Variants in NEO1 observed in about 807,000 individuals in gnomAD.
NEO1 encodes neogenin.
In NEO1, 63 loss-of-function variants were observed where a neutral mutation model predicts 159.7. That is an observed-to-expected ratio of 0.39 (90% CI 0.32 to 0.49). The LOEUF is 0.49. Among genes scored for constraint, NEO1 ranks in the 20% least tolerant of loss-of-function variants. The pLI is 0.85. For synonymous variants in NEO1, 633 were observed against 662.0 expected, an observed-to-expected ratio of 0.96 and a Z score of 0.67; for missense variants, 1,615 against 1,831.0, an observed-to-expected ratio of 0.88 and a Z score of 2.15.
intron 15 of NEO1, among the ~76,000 whole-genome samples, chr15:73,261,030 G>A (rs1311877786): frequency 6.6e-6 from 1 of 152,040 alleles, no homozygotes; most frequent in Admixed American, 6.6e-5. Flanking sequence ...AACATCCTGT[G>A]ATAAGGAAGA....
chr15:73,231,011 A>G (rs940889394), intron 7 of NEO1, among the ~76,000 whole-genome samples: 4 of 151,954 alleles, frequency 2.6e-5, no homozygotes, highest in Non-Finnish European at 5.9e-5. Flanking sequence ...TAATTCTGTC[A>G]TTTTTTGCTT....
At chr15:73,258,158 G>A (rs902159932) in intron 13 of NEO1, among the ~76,000 whole-genome samples, 3 of 152,128 alleles carry the variant, frequency 2.0e-5, no homozygotes, top group African/African-American at 7.2e-5. Flanking sequence ...TTTATTAGCT[G>A]GTAGTAAATT....
At chr15:73,077,189 GCCCGC>G (rs2068811923) in intron 1 of NEO1, among the ~76,000 whole-genome samples, 1 of 152,018 alleles carries the variant, frequency 6.6e-6, no homozygotes, top group Non-Finnish European at 1.5e-5. Flanking sequence ...GATTACAGGT[GCCCGC>G]CACCACGCCT....
At chr15:73,235,413 T>G (rs1316146942) in intron 7 of NEO1, among the ~76,000 whole-genome samples, 1 of 152,212 alleles carries the variant, frequency 6.6e-6, no homozygotes, top group Non-Finnish European at 1.5e-5. Flanking sequence ...CTGTTGTTTT[T>G]GTTTTTCATC....
intron 8 of NEO1, among the ~76,000 whole-genome samples, chr15:73,237,201 A>C (rs1486815081): frequency 6.6e-6 from 1 of 152,110 alleles, no homozygotes; most frequent in African/African-American, 2.4e-5. Context: ...TTCTTGGCCC[A>C]GGTTAAGCCC....
At chr15:73,258,731 T>C in intron 13 of NEO1, 35 bp from the exon 14 acceptor site, 1 of 1,552,334 alleles carries the variant, frequency 6.4e-7, no homozygotes, top group East Asian at 2.2e-5. Context: ...TCCAAAGCTC[T>C]TGTTTCAGTT....
intron 5 of NEO1, among the ~76,000 whole-genome samples, chr15:73,140,724 A>C (rs1322753566): frequency 1.3e-5 from 2 of 152,242 alleles, no homozygotes; most frequent in Non-Finnish European, 2.9e-5. Context: ...AATGTAGAGT[A>C]GTCTTCCAGT....
intron 7 of NEO1, among the ~76,000 whole-genome samples, chr15:73,229,739 T>A (rs954521990): frequency 4.6e-5 from 7 of 152,102 alleles, no homozygotes; most frequent in African/African-American, 1.7e-4. Context: ...TTGTTGAGAG[T>A]TTTTATCATG....
intron 5 of NEO1, among the ~76,000 whole-genome samples, chr15:73,165,252 A>T (rs2034491866): frequency 6.6e-6 from 1 of 152,140 alleles, no homozygotes; most frequent in South Asian, 2.1e-4. Flanking sequence ...TATGAATAGT[A>T]TTTCTCTCTA....
rs2042238775 is a variant in NEO1 at position 73,293,508 on chromosome 15, T to A, written c.3861T>A (p.Ile1287=). ...HLYHPGSPWP[I]GTSMSLSDRA... ...ACCACCCGGGCAGCCCATGGCCCATTGGCACATCCATGTCCCTTTCAGACA... is the reference window on the plus strand; with the variant it reads ...ACCACCCGGGCAGCCCATGGCCCATAGGCACATCCATGTCCCTTTCAGACA... Residue 1287 remains isoleucine, a synonymous_variant, in exon 26 of 29, where the codon ATT becomes ATA. Transcript: ENST00000261908. 18 of 1,614,184 alleles carry A rather than the reference T, an allele frequency of 1.1e-5. No individual in the cohort carries two copies. Among genetic ancestry groups the A allele is most frequent in the Non-Finnish European group, 1.4e-5 (17 of 1,180,016 alleles).
At chr15:73,236,197 A>C (rs537392210) in intron 7 of NEO1, 150 bp from the exon 8 acceptor site, 2 of 1,056,642 alleles carry the variant, frequency 1.9e-6, no homozygotes. Flanking sequence ...GGTTTTGTTT[A>C]TTTCTTTTTT....
chr15:73,225,193 T>C (rs1458047507), intron 7 of NEO1, among the ~76,000 whole-genome samples: 1 of 152,172 alleles, frequency 6.6e-6, no homozygotes, highest in Admixed American at 6.5e-5. Flanking sequence ...CCAGCACCTG[T>C]TCCAGTGGAG....
rs147795279 is a variant in NEO1 at position 73,168,901 on chromosome 15, C to T, written c.1016-7502C>T. On this transcript the variant is annotated intron_variant, in intron 5 of 28. Coordinates refer to ENST00000261908, the MANE Select transcript of NEO1 (RefSeq NM_002499.4). ...TATTTGTTGGGTTTTTTTTTTTAAA[C>T]GGCATAGATGTAAATTTGTGAATTA... 5.3e-5 allele frequency among the ~76,000 whole-genome samples: 8 copies of T among 150,782 alleles called. No homozygotes were observed. In the East Asian group the frequency reaches 1.6e-3, roughly 29 times the overall value.
chr15:73,090,256 G>T (rs967271909), intron 1 of NEO1, among the ~76,000 whole-genome samples: 6 of 151,970 alleles, frequency 3.9e-5, no homozygotes, highest in African/African-American at 1.5e-4. Flanking sequence ...GTGCAGTAGC[G>T]CAATCTTGGC....
intron 5 of NEO1, among the ~76,000 whole-genome samples, chr15:73,139,463 A>G (rs1208610481): frequency 2.0e-5 from 3 of 152,232 alleles, no homozygotes; most frequent in Non-Finnish European, 4.4e-5. Context: ...GCAAAAATTA[A>G]TGAAATAAAA....
intron 7 of NEO1, among the ~76,000 whole-genome samples, chr15:73,192,209 T>C (rs574167839): frequency 2.3e-4 from 35 of 152,036 alleles, no homozygotes; most frequent in Non-Finnish European, 4.4e-4. Flanking sequence ...AGTTGAGACC[T>C]GAGGGTTAGA....
At chr15:73,065,241 A>T (rs2068157778) in intron 1 of NEO1, among the ~76,000 whole-genome samples, 1 of 151,636 alleles carries the variant, frequency 6.6e-6, no homozygotes, top group Non-Finnish European at 1.5e-5. Context: ...TTAGTTATTT[A>T]AATTCATTAA....
At chr15:73,193,858 G>A (rs181627967) in intron 7 of NEO1, among the ~76,000 whole-genome samples, 1 of 152,048 alleles carries the variant, frequency 6.6e-6, no homozygotes, top group Non-Finnish European at 1.5e-5. Flanking sequence ...GGTTTGACAG[G>A]CAAGGGAGGC....
In NEO1 at chr15:73,294,690, C is replaced by A. The variant is rs1222719100; in HGVS notation, c.3901+1142C>A. On this transcript the variant is annotated intron_variant, in intron 26 of 28. Transcript: ENST00000261908. ...AAGTAGCTGGGATTACAGGCACACA[C>A]CACCACACCCAGCTGATTTTTGTAT... 2.0e-5 allele frequency among the ~76,000 whole-genome samples: 3 copies of A among 152,066 alleles called. No individual in the cohort carries two copies. The East Asian group carries it at 5.8e-4, about 30-fold the overall frequency.
Sources: allele counts gnomAD v4.1 joint callset (sites outside exome capture counted in the v4.1 genomes callset), GRCh38; gene constraint gnomAD v4.1.1; transcripts MANE v1.5; gene names NCBI Gene and HGNC (gene_info 2026-07-23, HGNC 2026-07-21).